The following STXBP4 variants were observed in gnomAD, a reference collection of about 807,000 sequenced individuals.
STXBP4 encodes the protein syntaxin binding protein 4.
A neutral mutation model predicts 76.1 loss-of-function variants in STXBP4; 55 were observed. The ratio of observed to expected loss-of-function variants is 0.72; its 90% confidence interval spans 0.58 to 0.91. The LOEUF is 0.91. Among genes scored for constraint, STXBP4 ranks in the 40% least tolerant of loss-of-function variants. STXBP4 has a pLI of 0.00. For missense variants in STXBP4, 618 were observed against 636.9 expected (o/e 0.97, Z 0.32); for synonymous variants, 201 against 220.2 (o/e 0.91, Z 0.77).
chr17:55,021,862 A>G (rs2078318733), intron 8 of STXBP4, among the ~76,000 whole-genome samples: 5 of 152,200 alleles, frequency 3.3e-5, no homozygotes. Flanking sequence ...TAGTTTCACA[A>G]TATGTATCAA....
intron 16 of STXBP4, among the ~76,000 whole-genome samples, chr17:55,112,307 G>T (rs2079730060): frequency 6.6e-6 from 1 of 152,026 alleles, no homozygotes; most frequent in South Asian, 2.1e-4. Context: ...TTTCTAATAG[G>T]ACTTATTGGC....
At chr17:55,065,476 A>G (rs565220692) in intron 12 of STXBP4, among the ~76,000 whole-genome samples, 3 of 152,274 alleles carry the variant, frequency 2.0e-5, no homozygotes, top group Admixed American at 1.3e-4. Flanking sequence ...TTTCAGATGA[A>G]TTCTAATGTT....
rs775608100 is a variant in STXBP4, at chr17:54,999,382, TCAA to T, written c.222_224del (p.Asn74del). ...AAGCCAGGAGATCAACTTGTCTCAG[TCAA>T]CAAGGAATCTATGATTGGTGTATCA... On this transcript the variant is annotated inframe_deletion, in exon 5 of 18. Transcript: ENST00000376352. 3.7e-6 allele frequency: 6 copies of T among 1,612,840 alleles called. No homozygotes were observed. In the South Asian group the frequency reaches 6.6e-5, roughly 18 times the overall value.
At position 55,149,045 on chromosome 17, in the gene STXBP4, A is replaced by G. The variant is rs115351553; in HGVS notation, c.1547+7678A>G. Among the ~76,000 whole-genome samples, 759 of 152,312 alleles carry G rather than the reference A, an allele frequency of 5.0e-3. 6 individuals are homozygous for G. Among genetic ancestry groups the G allele is most frequent in the African/African-American group, 0.017 (694 of 41,564 alleles). ...GCTCCTCACTCTCTTTTACATGTATAAGAATTCTGGGCATTTTATTCTTAA... is the reference window on the plus strand; with the variant it reads ...GCTCCTCACTCTCTTTTACATGTATGAGAATTCTGGGCATTTTATTCTTAA... On this transcript the variant is annotated intron_variant, in intron 17 of 17. Coordinates refer to ENST00000376352, the MANE Select transcript of STXBP4 (RefSeq NM_178509.6).
chr17:55,151,419 T>G (rs2080216385), intron 17 of STXBP4, among the ~76,000 whole-genome samples: 1 of 152,234 alleles, frequency 6.6e-6, no homozygotes, highest in Non-Finnish European at 1.5e-5. Context: ...GCTTTCCTGA[T>G]GTAAAGTCTT....
At chr17:55,128,670 C>T (rs1033918581) in intron 16 of STXBP4, among the ~76,000 whole-genome samples, 1 of 152,200 alleles carries the variant, frequency 6.6e-6, no homozygotes, top group Non-Finnish European at 1.5e-5. Context: ...GGCTGGAGTG[C>T]AATGGCACGA....
chr17:55,107,335 T>C (rs1181535877), intron 16 of STXBP4, among the ~76,000 whole-genome samples: 1 of 152,198 alleles, frequency 6.6e-6, no homozygotes, highest in Non-Finnish European at 1.5e-5. Context: ...TAGCAATTCC[T>C]CTAACCTTTT....
intron 1 of STXBP4, among the ~76,000 whole-genome samples, chr17:54,983,544 G>A (rs1378788697): frequency 3.9e-5 from 6 of 152,020 alleles, no homozygotes; most frequent in African/African-American, 1.4e-4. Context: ...GATGCTAAGA[G>A]GTTAGGCAAT....
the STXBP4 span, among the ~76,000 whole-genome samples, chr17:55,208,104 A>G: frequency 8.6e-5 from 13 of 151,182 alleles, 2 homozygotes; most frequent in Admixed American, 1.3e-4. Flanking sequence ...AATCCTCTCC[A>G]CAGCTTCATA....
chr17:55,010,734 G>C (rs1430276422), intron 8 of STXBP4, among the ~76,000 whole-genome samples: 1 of 152,118 alleles, frequency 6.6e-6, no homozygotes, highest in South Asian at 2.1e-4. Flanking sequence ...CAAGAAAACT[G>C]TAGAGAGCAA....
At chr17:55,009,846 G>A (rs1334453222) in intron 8 of STXBP4, among the ~76,000 whole-genome samples, 1 of 151,668 alleles carries the variant, frequency 6.6e-6, no homozygotes, top group Non-Finnish European at 1.5e-5. Flanking sequence ...CATTACTGAT[G>A]CAATACAACA....
chr17:55,039,533 A>G (rs1234490034), intron 10 of STXBP4, among the ~76,000 whole-genome samples: 1 of 152,106 alleles, frequency 6.6e-6, no homozygotes, highest in Non-Finnish European at 1.5e-5. Context: ...AAGGGAGTGA[A>G]AGTGGTGGTA....
chr17:55,121,417 A>C (rs1177376892), intron 16 of STXBP4, among the ~76,000 whole-genome samples: 2 of 152,098 alleles, frequency 1.3e-5, no homozygotes, highest in Non-Finnish European at 2.9e-5. Context: ...GAGAGATGAG[A>C]TGCAAGATTG....
intron 17 of STXBP4, among the ~76,000 whole-genome samples, chr17:55,158,862 G>C (rs569880953): frequency 1.3e-5 from 2 of 152,208 alleles, no homozygotes; most frequent in Non-Finnish European, 2.9e-5. Context: ...ATAAGACCAT[G>C]GGCACAGATT....
intron 16 of STXBP4, among the ~76,000 whole-genome samples, chr17:55,108,154 G>C (rs2079659104): frequency 6.6e-6 from 1 of 152,222 alleles, no homozygotes; most frequent in Non-Finnish European, 1.5e-5. Context: ...TCTGGCTACA[G>C]TGGCTTTGCC....
At position 55,078,189 on chromosome 17, in the gene STXBP4, G is replaced by A. The variant is rs1461136152; in HGVS notation, c.1300G>A (p.Val434Ile). ...EASTEKLLHF[V>I]EAIQEVFSDN... ...ATCCACTGAAAAGCTTCTTCATTTTGTAGAGGTAAGTTTTTCTGTTCTATT... is the reference window on the plus strand; with the variant it reads ...ATCCACTGAAAAGCTTCTTCATTTTATAGAGGTAAGTTTTTCTGTTCTATT... Residue 434 changes from valine to isoleucine, a missense_variant, in exon 14 of 18, where the codon GTA becomes ATA. Physicochemically the swap from Val to Ile is conservative, Grantham distance 29. Coordinates refer to ENST00000376352, the MANE Select transcript of STXBP4 (RefSeq NM_178509.6). The A allele has an allele frequency of 6.2e-7, 1 of 1,601,922 alleles. No homozygotes were observed. The highest frequency in any genetic ancestry group is 8.5e-7 in the Non-Finnish European group (1 of 1,173,106).
intron 16 of STXBP4, among the ~76,000 whole-genome samples, chr17:55,102,704 T>G (rs181400076): frequency 1.8e-4 from 28 of 152,346 alleles, no homozygotes; most frequent in Admixed American, 5.2e-4. Context: ...ATAGGCACAC[T>G]GTCTTCCACA....
chr17:55,174,975 G>A (rs2145221045), downstream of STXBP4, among the ~76,000 whole-genome samples: 1 of 152,114 alleles, frequency 6.6e-6, no homozygotes, highest in African/African-American at 2.4e-5. Context: ...AGTGAGCCAA[G>A]ATAGCGCCAC....
At chr17:55,026,974 G>A (rs896511585) in intron 8 of STXBP4, among the ~76,000 whole-genome samples, 1 of 152,064 alleles carries the variant, frequency 6.6e-6, no homozygotes, top group Non-Finnish European at 1.5e-5. Flanking sequence ...TATGACCTGG[G>A]GCAGTTTTGA....
Sources: gnomAD v4.1 joint callset for allele counts (sites outside exome capture counted in the v4.1 genomes callset) on GRCh38, gnomAD v4.1.1 for gene constraint, MANE v1.5 for transcripts, NCBI Gene and HGNC (gene_info 2026-07-23, HGNC 2026-07-21) for gene names.